ZNF276: variants seen among roughly 807,000 people sequenced by gnomAD.
ZNF276 encodes centromere protein Z.
Under a neutral mutation model 63.9 loss-of-function variants are expected in ZNF276, and 59 were observed. That is an observed-to-expected ratio of 0.92 (90% CI 0.75 to 1.15). The LOEUF is 1.15. Among genes scored for constraint, ZNF276 ranks in the 50% most tolerant of loss-of-function variants. The pLI is 0.00. For missense variants in ZNF276, 1,084 were observed against 843.8 expected, an observed-to-expected ratio of 1.28 and a Z score of -3.53; for synonymous variants, 496 against 348.4, an observed-to-expected ratio of 1.42 and a Z score of -4.72.
chr16:89,735,891 G>T lies in ZNF276; in HGVS notation c.1474+1853G>T, dbSNP rs8060091. The stretch of plus-strand genomic sequence containing the variant: ...CACCACGCCGGGGGTGTTTTTTTTT[G>T]TTTGTTTGTTTGTTTTTTTGACTGA... On this transcript the variant is annotated intron_variant, in intron 9 of 10. Coordinates refer to ENST00000443381, the MANE Select transcript of ZNF276 (RefSeq NM_001113525.2). Among the ~76,000 whole-genome samples the T allele has an allele frequency of 5.3e-3, 257 of 48,352 alleles. 1 individual carries two copies. The South Asian group carries it at 0.089, about 17-fold the overall frequency. The allele number at this position is 48,352 out of a possible 152,430, so 31.7% of individuals were successfully genotyped here.
intron 9 of ZNF276, among the ~76,000 whole-genome samples, chr16:89,735,562 C>A (rs1327471244): frequency 6.6e-6 from 1 of 152,104 alleles, no homozygotes; most frequent in African/African-American, 2.4e-5. Context: ...ATGGTCACAA[C>A]CAGCAGTTCC....
chr16:89,737,728 G>A, intron 9 of ZNF276, 78 bp from the exon 10 acceptor site: 15 of 1,602,474 alleles, frequency 9.4e-6, no homozygotes, highest in Non-Finnish European at 1.2e-5. Flanking sequence ...CAGCTGTGAT[G>A]GTTTCACATT....
Position 89,721,591 on chromosome 16 carries a change from A to G in ZNF276, c.-50A>G. Reference sequence around the variant, plus strand: ...GAGCCTAACGCCGGGTCCTCTAGGAACCTCGGGCCGGGCAGCACCCGCGGG... The same window carrying G: ...GAGCCTAACGCCGGGTCCTCTAGGAGCCTCGGGCCGGGCAGCACCCGCGGG... On this transcript the variant is annotated 5_prime_UTR_variant, in exon 1 of 11. Transcript: ENST00000443381. 1 of 1,460,268 alleles carries G rather than the reference A, an allele frequency of 6.8e-7. No individual in the cohort carries two copies. Among genetic ancestry groups the G allele is most frequent in the Admixed American group, 2.4e-5 (1 of 41,574 alleles). The allele number at this position is 1,460,268 out of a possible 1,614,324, so 90.5% of individuals were successfully genotyped here.
rs1445005460 is a variant in ZNF276 at position 89,721,546 on chromosome 16, C to A, written c.-95C>A. 9 of 1,281,634 alleles carry A rather than the reference C, an allele frequency of 7.0e-6. No homozygotes were observed. In the African/African-American group the frequency reaches 1.4e-4, roughly 20 times the overall value. 79.4% of individuals were successfully genotyped at this position (1,281,634 alleles called of 1,614,324 possible). A position where few individuals can be genotyped will look rare whatever the true frequency, so the allele number is the denominator to read the frequency against. ...GCTCCGCCCCTCCCCCGCCCCGCCT[C>A]GCTTCCAGCGCGCCGAGCGGAGCCT... On this transcript the variant is annotated 5_prime_UTR_variant, in exon 1 of 11. Transcript: ENST00000443381.
At position 89,739,376 on chromosome 16, in the gene ZNF276, A is replaced by G. The variant is rs1165964423; in HGVS notation, c.*1130A>G. 34 of 1,586,670 alleles carry G rather than the reference A, an allele frequency of 2.1e-5. No homozygotes were observed. Among genetic ancestry groups the G allele is most frequent in the Non-Finnish European group, 2.8e-5 (32 of 1,161,556 alleles). On this transcript the variant is annotated 3_prime_UTR_variant, in exon 11 of 11. Coordinates refer to ENST00000443381, the MANE Select transcript of ZNF276 (RefSeq NM_001113525.2). ...AAGGGATACTGCTCATCTGTGGAGC[A>G]GAGGCACAGACAACCCTTCCCATCT... is the stretch of plus-strand genomic sequence containing the variant.
At chr16:89,731,844 G>A (rs1320132663) in intron 6 of ZNF276, 2 of 152,210 alleles carry the variant, frequency 1.3e-5, no homozygotes, top group Non-Finnish European at 2.9e-5. Context: ...ATTAATTAGG[G>A]TTTTTTGTAT....
At chr16:89,728,986 C>T (rs533064135) in intron 5 of ZNF276, among the ~76,000 whole-genome samples, 1 of 152,360 alleles carries the variant, frequency 6.6e-6, no homozygotes, top group Non-Finnish European at 1.5e-5. Context: ...GTGGAAAGGG[C>T]TGTTTCCAAG....
Position 89,740,647 on chromosome 16 carries a change from A to C in ZNF276, c.*2401A>C, listed in dbSNP as rs1264669098. ...TGAGACCCCCATCTCAAAAAAAAAAAAAAAAAACCCACGGCCTGGGAGTTC... is the reference window on the plus strand; with the variant it reads ...TGAGACCCCCATCTCAAAAAAAAAACAAAAAAACCCACGGCCTGGGAGTTC... On this transcript the variant is annotated 3_prime_UTR_variant, in exon 11 of 11. Coordinates refer to ENST00000443381, the MANE Select transcript of ZNF276 (RefSeq NM_001113525.2). The C allele has an allele frequency of 7.7e-6, 5 of 649,420 alleles. No homozygotes were observed. Among genetic ancestry groups the C allele is most frequent in the East Asian group, 2.8e-5 (1 of 35,466 alleles). 40.2% of individuals were successfully genotyped at this position (649,420 alleles called of 1,614,324 possible).
In ZNF276 at chr16:89,739,381, C is replaced by A; in HGVS notation, c.*1135C>A. The A allele has an allele frequency of 6.3e-7, 1 of 1,585,458 alleles. No homozygotes were observed. Among genetic ancestry groups the A allele is most frequent in the Non-Finnish European group, 8.6e-7 (1 of 1,161,792 alleles). On this transcript the variant is annotated 3_prime_UTR_variant, in exon 11 of 11. Coordinates refer to ENST00000443381, the MANE Select transcript of ZNF276 (RefSeq NM_001113525.2). ...ATACTGCTCATCTGTGGAGCAGAGG[C>A]ACAGACAACCCTTCCCATCTGGCGG... is the stretch of plus-strand genomic sequence containing the variant.
In ZNF276 at chr16:89,724,800, TTCTA is replaced by T. The variant is rs202232054; in HGVS notation, c.1006+1099_1006+1102del. 4.6e-3 allele frequency among the ~76,000 whole-genome samples: 692 copies of T among 149,290 alleles called. 2 individuals carry two copies. The highest frequency in any genetic ancestry group is 0.016 in the African/African-American group (650 of 41,286). On this transcript the variant is annotated intron_variant, in intron 4 of 10. Transcript: ENST00000443381. ...CTTGTATGCAGTGTGTTGAGAACAA[TTCTA>T]TCTATCTGTGTATCTATCTACCTAC...
chr16:89,723,511 C>T lies in ZNF276; in HGVS notation c.808C>T (p.Arg270Trp), dbSNP rs184811525. 2.3e-4 allele frequency: 368 copies of T among 1,612,872 alleles called. 2 individuals are homozygous for T. In the South Asian group the frequency reaches 2.3e-3, roughly 10 times the overall value. Residue 270 changes from arginine (R) to tryptophan (W), a missense_variant, in exon 4 of 11, where the codon CGG becomes TGG. Physicochemically the swap from Arg to Trp is moderately radical, Grantham distance 101. Coordinates refer to ENST00000443381, the MANE Select transcript of ZNF276 (RefSeq NM_001113525.2). ...GCCATGGGACAAAGAGACGGCGCCA[C>T]GGCTGCCCCAGCACCGAGGGTGGAA... is the stretch of plus-strand genomic sequence containing the variant. The part of the protein sequence containing the change: ...KWPWDKETAP[R>W]LPQHRGWNPG...
intron 9 of ZNF276, 47 bp downstream of exon 9, chr16:89,734,085 C>T (rs113531669): frequency 1.0e-4 from 156 of 1,567,562 alleles, no homozygotes; most frequent in South Asian, 2.1e-4. Context: ...GCCAGGGGCA[C>T]GTGACCTGCT....
chr16:89,723,829 G>A (rs1290718259), intron 4 of ZNF276, 120 bp downstream of exon 4: 20 of 1,135,928 alleles, frequency 1.8e-5, no homozygotes, highest in East Asian at 7.8e-5. Context: ...GGTGTGAGAA[G>A]GAGCAGAGCT....
At chr16:89,728,485 G>C (rs900116536) in intron 5 of ZNF276, among the ~76,000 whole-genome samples, 7 of 152,096 alleles carry the variant, frequency 4.6e-5, no homozygotes, top group Admixed American at 2.0e-4. Flanking sequence ...CTCACTGCAA[G>C]CTCTGCCTCC....
At chr16:89,735,369 A>C (rs1216588628) in intron 9 of ZNF276, among the ~76,000 whole-genome samples, 2 of 152,140 alleles carry the variant, frequency 1.3e-5, no homozygotes, top group African/African-American at 2.4e-5. Flanking sequence ...TGAACTTATT[A>C]CAGAATAAGA....
chr16:89,729,699 G>A (rs957927009), intron 6 of ZNF276, among the ~76,000 whole-genome samples: 17 of 152,106 alleles, frequency 1.1e-4, no homozygotes, highest in Admixed American at 6.6e-4. Flanking sequence ...CCAACCCGTC[G>A]CTTCTGCTTT....
In ZNF276 at chr16:89,723,275, C is replaced by G. The variant is rs2061365662; in HGVS notation, c.572C>G (p.Ser191Cys). The part of the protein sequence containing the change: ...EGACLVDLIT[S>C]SPQCLHGLVG... ...CTCTCTGCAGTGGATCTGATCACAT[C>G]CAGCCCCCAGTGCCTGCACGGCTTG... The change falls in exon 4 of 11, where the codon TCC becomes TGC. Residue 191 changes from serine to cysteine, a missense_variant. Coordinates refer to ENST00000443381, the MANE Select transcript of ZNF276 (RefSeq NM_001113525.2). 2 of 1,613,100 alleles carry G rather than the reference C, an allele frequency of 1.2e-6. No homozygotes were observed. Among genetic ancestry groups the G allele is most frequent in the Non-Finnish European group, 1.7e-6 (2 of 1,179,956 alleles).
intron 4 of ZNF276, among the ~76,000 whole-genome samples, chr16:89,725,800 AAAAC>A (rs1415304449): frequency 6.6e-6 from 1 of 152,104 alleles, no homozygotes; most frequent in African/African-American, 2.4e-5. Flanking sequence ...AAAAAAGAAA[AAAAC>A]AAAACAAAGA....
In ZNF276 at chr16:89,738,910, G is replaced by A. The variant is rs201494304; in HGVS notation, c.*664G>A. 95 of 1,614,228 alleles carry A rather than the reference G, an allele frequency of 5.9e-5. No individual in the cohort carries two copies. The East Asian group carries it at 1.3e-3, about 22-fold the overall frequency. ...TGCCACGTGTGAGAAGCTCTTTTTC[G>A]GGCACCGAGGTATTAACTGCAGCAG... On this transcript the variant is annotated 3_prime_UTR_variant, in exon 11 of 11. Coordinates refer to ENST00000443381, the MANE Select transcript of ZNF276 (RefSeq NM_001113525.2).
Sources: gnomAD v4.1 joint callset for allele counts (sites outside exome capture counted in the v4.1 genomes callset) on GRCh38, gnomAD v4.1.1 for gene constraint, MANE v1.5 for transcripts, NCBI Gene and HGNC (gene_info 2026-07-23, HGNC 2026-07-21) for gene names.